Variants in MATCAP2 observed in about 807,000 individuals in gnomAD.
The protein encoded by MATCAP2 is microtubule associated tyrosine carboxypeptidase 2.
At chr7:36,360,693 G>A in the MATCAP2 span, among the ~76,000 whole-genome samples, 1 of 152,066 alleles carries the variant, frequency 6.6e-6, no homozygotes, top group African/African-American at 2.4e-5. Context: ...GATTGTTTTT[G>A]TAATTTTAAA....
the MATCAP2 span, among the ~76,000 whole-genome samples, chr7:36,346,877 C>T: frequency 1.3e-5 from 2 of 152,212 alleles, no homozygotes; most frequent in South Asian, 2.1e-4. Context: ...TCTCCTGCCT[C>T]AGCCTCCTGA....
chr7:36,389,882 AGAG>A, the MATCAP2 span: 1 of 1,439,924 alleles, frequency 6.9e-7, no homozygotes, highest in Non-Finnish European at 9.7e-7. Flanking sequence ...CTGGAAGCCG[AGAG>A]GAGAGGACAG....
the MATCAP2 span, among the ~76,000 whole-genome samples, chr7:36,365,069 C>T: frequency 6.6e-6 from 1 of 152,126 alleles, no homozygotes. Flanking sequence ...TCTAAAGTAT[C>T]TCTTCTCAAA....
chr7:36,335,652 AAAAC>A, the MATCAP2 span, among the ~76,000 whole-genome samples: 1 of 152,272 alleles, frequency 6.6e-6, no homozygotes, highest in Non-Finnish European at 1.5e-5. Context: ...GGCAGTAAGA[AAAAC>A]AAAAAGACAC....
chr7:36,354,140 T>C, the MATCAP2 span, among the ~76,000 whole-genome samples: 3 of 152,214 alleles, frequency 2.0e-5, no homozygotes, highest in Non-Finnish European at 4.4e-5. Flanking sequence ...GAGGCTACCA[T>C]GGCTGCCAGC....
the MATCAP2 span, chr7:36,336,358 G>A: frequency 8.2e-7 from 1 of 1,224,874 alleles, no homozygotes; most frequent in Non-Finnish European, 1.1e-6. Flanking sequence ...GATGTCATAA[G>A]CTAGCTATGT....
At chr7:36,376,060 T>G in the MATCAP2 span, among the ~76,000 whole-genome samples, 1 of 152,260 alleles carries the variant, frequency 6.6e-6, no homozygotes, top group East Asian at 1.9e-4. Context: ...CATTGATTTT[T>G]TTGAAGGGTT....
chr7:36,346,801 C>T, the MATCAP2 span, among the ~76,000 whole-genome samples: 8 of 152,288 alleles, frequency 5.3e-5, no homozygotes, highest in East Asian at 1.3e-3. Flanking sequence ...CGCTCTGTTG[C>T]CCGGGCTGGA....
the MATCAP2 span, among the ~76,000 whole-genome samples, chr7:36,350,665 C>T: frequency 6.6e-6 from 1 of 151,954 alleles, no homozygotes. Flanking sequence ...TCTCAGCCTC[C>T]GAAGTAGCTG....
the MATCAP2 span, among the ~76,000 whole-genome samples, chr7:36,328,244 G>GGC: frequency 2.3e-5 from 3 of 128,362 alleles, no homozygotes; most frequent in East Asian, 4.7e-4. Context: ...TTTTGTAGGG[G>GGC]GGGGGGGTCT....
the MATCAP2 span, among the ~76,000 whole-genome samples, chr7:36,374,542 A>G: frequency 8.5e-5 from 13 of 152,168 alleles, no homozygotes; most frequent in East Asian, 2.3e-3. Context: ...TTTAATTATT[A>G]TTTTTTAAAA....
At chr7:36,367,565 G>C in the MATCAP2 span, among the ~76,000 whole-genome samples, 1 of 152,220 alleles carries the variant, frequency 6.6e-6, no homozygotes, top group Admixed American at 6.5e-5. Context: ...ACGAGGTGCG[G>C]GGAAGCTAAA....
chr7:36,369,963 T>G, the MATCAP2 span, among the ~76,000 whole-genome samples: 1 of 152,210 alleles, frequency 6.6e-6, no homozygotes, highest in Admixed American at 6.5e-5. Context: ...AATATTTTCT[T>G]GTGGATAATT....
At chr7:36,337,544 A>G in the MATCAP2 span, 8 of 152,306 alleles carry the variant, frequency 5.3e-5, no homozygotes, top group East Asian at 1.5e-3. Flanking sequence ...GAGCTGTCAG[A>G]CTAGTGAAGA....
chr7:36,356,774 G>C, the MATCAP2 span: 1 of 792,000 alleles, frequency 1.3e-6, no homozygotes, highest in East Asian at 2.7e-5. Context: ...TACATGTCCT[G>C]AGTGGGAATT....
the MATCAP2 span, among the ~76,000 whole-genome samples, chr7:36,375,648 G>A: frequency 6.6e-6 from 1 of 152,172 alleles, no homozygotes; most frequent in Non-Finnish European, 1.5e-5. Flanking sequence ...GATTGGAATA[G>A]TTTCAGAAGG....
chr7:36,373,948 T>A, the MATCAP2 span, among the ~76,000 whole-genome samples: 173 of 152,126 alleles, frequency 1.1e-3, no homozygotes, highest in African/African-American at 3.9e-3. Context: ...ATTTTTTGTA[T>A]TTTTTAGTAA....
the MATCAP2 span, chr7:36,355,500 G>A: frequency 2.0e-5 from 3 of 152,122 alleles, no homozygotes; most frequent in Non-Finnish European, 4.4e-5. Flanking sequence ...GAATACAGAA[G>A]CAGAAGCAAA....
At chr7:36,340,895 C>G in the MATCAP2 span, among the ~76,000 whole-genome samples, 1 of 152,178 alleles carries the variant, frequency 6.6e-6, no homozygotes, top group Non-Finnish European at 1.5e-5. Context: ...TATTTTGAGT[C>G]TAATCCCAAT....
Sources: allele counts gnomAD v4.1 joint callset (sites outside exome capture counted in the v4.1 genomes callset), GRCh38; gene constraint gnomAD v4.1.1; transcripts MANE v1.5; gene names NCBI Gene and HGNC (gene_info 2026-07-23, HGNC 2026-07-21).